The following TRAF3 variants were observed in gnomAD, a reference collection of about 807,000 sequenced individuals.
TRAF3 encodes TNF receptor associated factor 3.
Under a neutral mutation model 62.3 loss-of-function variants are expected in TRAF3, and 13 were observed. The ratio of observed to expected loss-of-function variants is 0.21; its 90% CI spans 0.14 to 0.33. The LOEUF is 0.33. Ranked by LOEUF, TRAF3 falls within the 10% of genes least tolerant of loss-of-function variation. The probability of loss-of-function intolerance (pLI) is 1.00; values close to 1 mark genes in which losing one functional copy is unlikely to be tolerated. For synonymous variants in TRAF3, 269 were observed against 283.4 expected (o/e 0.95, Z 0.51); for missense variants, 440 against 741.8 (o/e 0.59, Z 4.73).
chr14:102,899,794 T>C (rs1595410159), intron 10 of TRAF3, among the ~76,000 whole-genome samples: 1 of 151,394 alleles, frequency 6.6e-6, no homozygotes, highest in African/African-American at 2.4e-5. Context: ...GGTCAAGGAG[T>C]GGAATTCAAG....
At chr14:102,793,881 G>A (rs1284275457) in intron 1 of TRAF3, among the ~76,000 whole-genome samples, 1 of 152,204 alleles carries the variant, frequency 6.6e-6, no homozygotes, top group African/African-American at 2.4e-5. Flanking sequence ...GGTTCTGTGG[G>A]CTGATCAAGC....
chr14:102,869,473 A>T (rs1257840254), intron 2 of TRAF3, among the ~76,000 whole-genome samples: 4 of 152,186 alleles, frequency 2.6e-5, no homozygotes, highest in African/African-American at 9.7e-5. Flanking sequence ...AAAATAGTAT[A>T]TGTATTTTTT....
At chr14:102,809,218 C>T (rs1898967356) in intron 1 of TRAF3, 2 of 152,406 alleles carry the variant, frequency 1.3e-5, no homozygotes, top group African/African-American at 4.8e-5. Context: ...AATCTCCTGA[C>T]CTCGTGATCT....
In TRAF3 at chr14:102,826,972, T is replaced by C. The variant is rs1260896494; in HGVS notation, c.-156-3362T>C. ...CAGACATAGGCTCTGTCAGTGGTGG[T>C]GGCGGTGGCTGTACCTGCTCCGGGC... On this transcript the variant is annotated intron_variant, in intron 1 of 11. Coordinates refer to ENST00000392745, the MANE Select transcript of TRAF3 (RefSeq NM_145725.3). The surrounding 1 kb of genome is among the most constrained non-coding windows in gnomAD (Gnocchi z 4.6). 6.6e-6 allele frequency among the ~76,000 whole-genome samples: 1 copy of C among 152,114 alleles called. No individual in the cohort carries two copies. Among genetic ancestry groups the C allele is most frequent in the Non-Finnish European group, 1.5e-5 (1 of 68,008 alleles).
chr14:102,887,707 G>C (rs1889475348), intron 7 of TRAF3, among the ~76,000 whole-genome samples: 1 of 151,640 alleles, frequency 6.6e-6, no homozygotes, highest in African/African-American at 2.4e-5. Flanking sequence ...CCATTCTCCT[G>C]CCTCAGCCTC....
rs574757481 is a variant in TRAF3, at chr14:102,870,087, G to T, written c.-17-98G>T. 361 of 1,482,420 alleles carry T rather than the reference G, an allele frequency of 2.4e-4. No individual in the cohort carries two copies. In the African/African-American group the frequency reaches 4.1e-3, roughly 17 times the overall value. 91.8% of individuals were successfully genotyped at this position (1,482,420 alleles called of 1,614,324 possible). On this transcript the variant is annotated intron_variant, in intron 2 of 11. Transcript: ENST00000392745. ...AAGGATTCTTGTGTTGCCTAAAACT[G>T]AAAGACAGCAGGTCTCAGGCACTTT...
chr14:102,787,653 C>T (rs1450245015), intron 1 of TRAF3, among the ~76,000 whole-genome samples: 1 of 152,076 alleles, frequency 6.6e-6, no homozygotes, highest in Non-Finnish European at 1.5e-5. Flanking sequence ...CGCTACTGCA[C>T]TGCAGCCTGG....
At chr14:102,836,820 A>G (rs1247705523) in intron 2 of TRAF3, among the ~76,000 whole-genome samples, 1 of 152,258 alleles carries the variant, frequency 6.6e-6, no homozygotes, top group Non-Finnish European at 1.5e-5. Flanking sequence ...GAATGAAGTA[A>G]GTATGCAGTG....
chr14:102,796,727 C>G (rs976566271), intron 1 of TRAF3, among the ~76,000 whole-genome samples: 11 of 152,220 alleles, frequency 7.2e-5, no homozygotes, highest in African/African-American at 2.7e-4. Flanking sequence ...CTGAGTGCCT[C>G]TGCTTCTACC....
At chr14:102,881,469 G>T (rs369322797) in intron 6 of TRAF3, among the ~76,000 whole-genome samples, 2 of 151,656 alleles carry the variant, frequency 1.3e-5, no homozygotes, top group Admixed American at 6.6e-5. Flanking sequence ...GGAAGTCATT[G>T]TCCTTAGCAA....
intron 1 of TRAF3, among the ~76,000 whole-genome samples, chr14:102,791,621 C>T (rs574530907): frequency 1.3e-5 from 2 of 152,266 alleles, no homozygotes; most frequent in African/African-American, 4.8e-5. Context: ...ATCATGTCAC[C>T]TGCATATATA....
chr14:102,850,688 TAA>T (rs35096461), intron 2 of TRAF3, among the ~76,000 whole-genome samples: 31 of 87,470 alleles, frequency 3.5e-4, no homozygotes, highest in East Asian at 3.3e-4. Context: ...AGACTCCGTC[TAA>T]AAAAAAAAAA....
At position 102,870,311 on chromosome 14, in the gene TRAF3, G is replaced by A. The variant is rs758854542; in HGVS notation, c.110G>A (p.Gly37Glu). Residue 37 changes from glycine to glutamate, a missense_variant, in exon 3 of 12, where the codon GGA becomes GAA. Coordinates refer to ENST00000392745, the MANE Select transcript of TRAF3 (RefSeq NM_145725.3). ...AGTPVFVPEQGGYKEKFVKTV... is the reference protein window; with the variant it reads ...AGTPVFVPEQEGYKEKFVKTV... Reference sequence around the variant, plus strand: ...ACGCCAGTTTTTGTCCCTGAACAAGGAGGTTACAAGGAAAAGTTTGTGAAG... The same window carrying A: ...ACGCCAGTTTTTGTCCCTGAACAAGAAGGTTACAAGGAAAAGTTTGTGAAG... 1 of 1,614,174 alleles carries A rather than the reference G, an allele frequency of 6.2e-7. No homozygotes were observed. The highest frequency in any genetic ancestry group is 8.5e-7 in the Non-Finnish European group (1 of 1,180,032).
Position 102,906,058 on chromosome 14 carries a change from A to AATTTTAAAG in TRAF3, c.*274_*275insATTTTAAAG. The AATTTTAAAG allele has an allele frequency of 2.6e-6, 1 of 382,878 alleles. No homozygotes were observed. Among genetic ancestry groups the AATTTTAAAG allele is most frequent in the South Asian group, 4.9e-5 (1 of 20,472 alleles). 23.7% of individuals were successfully genotyped at this position (382,878 alleles called of 1,614,324 possible). A position where few individuals can be genotyped will look rare whatever the true frequency, so the allele number is the denominator to read the frequency against. On this transcript the variant is annotated 3_prime_UTR_variant, in exon 12 of 12. Coordinates refer to ENST00000392745, the MANE Select transcript of TRAF3 (RefSeq NM_145725.3). Reference sequence around the variant, plus strand: ...TTTTCATTTTCATTTTTAAAGATCTAGTTAATTAAGGTGGAAAACATATAT... The same window carrying AATTTTAAAG: ...TTTTCATTTTCATTTTTAAAGATCTAATTTTAAAGGTTAATTAAGGTGGAAAACATATAT...
intron 6 of TRAF3, among the ~76,000 whole-genome samples, chr14:102,877,197 C>G (rs1595386530): frequency 6.6e-6 from 1 of 150,384 alleles, no homozygotes; most frequent in Non-Finnish European, 1.5e-5. Flanking sequence ...CACAGGCCTT[C>G]CGCTCAGCTC....
At chr14:102,856,679 A>G (rs1008341959) in intron 2 of TRAF3, among the ~76,000 whole-genome samples, 3 of 151,962 alleles carry the variant, frequency 2.0e-5, no homozygotes, top group African/African-American at 7.3e-5. Flanking sequence ...CTCACCCCCT[A>G]TTCAAGATGG....
At position 102,820,808 on chromosome 14, in the gene TRAF3, T is replaced by A. The variant is rs533873002; in HGVS notation, c.-156-9526T>A. Among the ~76,000 whole-genome samples the A allele has an allele frequency of 1.5e-3, 227 of 150,378 alleles. 2 individuals carry two copies. Among genetic ancestry groups the A allele is most frequent in the African/African-American group, 5.3e-3 (217 of 40,790 alleles). ...CCACACTTGGCTAAGTTTTAAAAAATTTTTTTATAGAGACAGGGTCTCACT... is the reference window on the plus strand; with the variant it reads ...CCACACTTGGCTAAGTTTTAAAAAAATTTTTTATAGAGACAGGGTCTCACT... On this transcript the variant is annotated intron_variant, in intron 1 of 11. Coordinates refer to ENST00000392745, the MANE Select transcript of TRAF3 (RefSeq NM_145725.3).
At chr14:102,883,259 G>GGCCT (rs1889170122) in intron 6 of TRAF3, among the ~76,000 whole-genome samples, 1 of 152,190 alleles carries the variant, frequency 6.6e-6, no homozygotes, top group Admixed American at 6.5e-5. Context: ...GAAAGTTAGA[G>GGCCT]GCCTGCAGTT....
chr14:102,906,224 T>C lies in TRAF3; in HGVS notation c.*440T>C, dbSNP rs1265604629. 1.2e-5 allele frequency: 2 copies of C among 163,252 alleles called. No homozygotes were observed. The highest frequency in any genetic ancestry group is 1.7e-4 in the South Asian group (1 of 5,922). The allele number at this position is 163,252 out of a possible 1,614,324, so 10.1% of individuals were successfully genotyped here. On this transcript the variant is annotated 3_prime_UTR_variant, in exon 12 of 12. Transcript: ENST00000392745. The stretch of plus-strand genomic sequence containing the variant: ...ATGAAATAGTAATGCAATTCTGATA[T>C]CTTCTTTCTAAAATTCAAGAGTGCA...
Sources: allele counts gnomAD v4.1 joint callset (sites outside exome capture counted in the v4.1 genomes callset), GRCh38; gene constraint gnomAD v4.1.1; non-coding constraint Gnocchi (gnomAD v3.1); transcripts MANE v1.5; gene names NCBI Gene and HGNC (gene_info 2026-07-23, HGNC 2026-07-21).